KCNMA1: variants seen among roughly 807,000 people sequenced by gnomAD.
KCNMA1 encodes potassium calcium-activated channel subfamily M alpha 1.
A neutral mutation model predicts 140.0 loss-of-function variants in KCNMA1; 29 were observed. That is an observed-to-expected ratio of 0.21 (90% CI 0.15 to 0.28). The LOEUF is 0.28. Among genes scored for constraint, KCNMA1 ranks in the 10% least tolerant of loss-of-function variants. The pLI is 1.00. For synonymous variants in KCNMA1, 612 were observed against 611.9 expected (o/e 1.00, Z 0.00); for missense variants, 880 against 1,602.2 (o/e 0.55, Z 7.70).
intron 5 of KCNMA1, among the ~76,000 whole-genome samples, chr10:77,157,507 AT>A (rs2098502223): frequency 6.6e-6 from 1 of 152,058 alleles, no homozygotes; most frequent in African/African-American, 2.4e-5. Context: ...TGTTGCTTCC[AT>A]TTCTCTTAAA....
intron 2 of KCNMA1, among the ~76,000 whole-genome samples, chr10:77,399,637 A>G (rs1170553475): frequency 6.6e-6 from 1 of 152,168 alleles, no homozygotes; most frequent in Non-Finnish European, 1.5e-5. Flanking sequence ...GGGTCAAGGA[A>G]TTTTTATCAT....
chr10:77,270,680 C>A (rs374787471), intron 2 of KCNMA1, among the ~76,000 whole-genome samples: 1 of 135,930 alleles, frequency 7.4e-6, no homozygotes. Context: ...CACCACCACA[C>A]CTAGCTAATT....
At chr10:76,937,420 A>G (rs971782748) in intron 23 of KCNMA1, among the ~76,000 whole-genome samples, 3 of 152,188 alleles carry the variant, frequency 2.0e-5, no homozygotes, top group African/African-American at 7.2e-5. Flanking sequence ...TCCTATCCCA[A>G]CAAAGATGAA....
intron 1 of KCNMA1, among the ~76,000 whole-genome samples, chr10:77,533,652 C>T (rs1284401716): frequency 6.6e-6 from 1 of 152,112 alleles, no homozygotes; most frequent in Non-Finnish European, 1.5e-5. Flanking sequence ...CAAACTCTGA[C>T]AGCATTATTC....
intron 19 of KCNMA1, among the ~76,000 whole-genome samples, chr10:76,986,635 G>A (rs926030531): frequency 6.6e-6 from 1 of 152,230 alleles, no homozygotes; most frequent in African/African-American, 2.4e-5. Context: ...GTGTTAGCTT[G>A]TGTATTAGTC....
intron 5 of KCNMA1, among the ~76,000 whole-genome samples, chr10:77,172,772 A>G (rs1049382099): frequency 1.3e-5 from 2 of 152,048 alleles, no homozygotes; most frequent in Admixed American, 1.3e-4. Context: ...AATACCTTAG[A>G]CTGGGTAATT....
intron 3 of KCNMA1, among the ~76,000 whole-genome samples, chr10:77,222,684 C>G (rs946659917): frequency 1.3e-5 from 2 of 152,184 alleles, no homozygotes; most frequent in Non-Finnish European, 2.9e-5. Context: ...GGCTAGATTC[C>G]TGATTCCAGA....
chr10:76,879,176 T>C (rs1197387314), intron 29 of KCNMA1, among the ~76,000 whole-genome samples: 1 of 152,102 alleles, frequency 6.6e-6, no homozygotes, highest in Non-Finnish European at 1.5e-5. Flanking sequence ...TCTGCTTGTT[T>C]CTCCTCAGTT....
chr10:77,001,532 C>CAATCAA lies in KCNMA1; in HGVS notation c.2135_2140dup (p.Phe712_Asp713dup). 1 of 1,552,136 alleles carries CAATCAA rather than the reference C, an allele frequency of 6.4e-7. No homozygotes were observed. The highest frequency in any genetic ancestry group is 8.7e-7 in the Non-Finnish European group (1 of 1,147,010). On this transcript the variant is annotated inframe_insertion, in exon 19 of 28. Transcript: ENST00000286628. ...TGAGCAGTCACGCTCAGAACGTCCGCAATCAAAACAACATGCCCGTCTCAT... is the reference window on the plus strand; with the variant it reads ...TGAGCAGTCACGCTCAGAACGTCCGCAATCAAAATCAAAACAACATGCCCGTCTCAT...
At chr10:77,276,822 A>C (rs1318108376) in intron 2 of KCNMA1, among the ~76,000 whole-genome samples, 1 of 152,128 alleles carries the variant, frequency 6.6e-6, no homozygotes, top group Non-Finnish European at 1.5e-5. Flanking sequence ...TAGCAAACAA[A>C]ATATGGTACA....
In KCNMA1 at chr10:76,886,185, TCTA is replaced by T. The variant is rs2036825570; in HGVS notation, c.*1078_*1080del. 1.0e-6 allele frequency: 1 copy of T among 985,306 alleles called. No individual in the cohort carries two copies. The highest frequency in any genetic ancestry group is 1.7e-5 in the African/African-American group (1 of 57,234). The allele number at this position is 985,306 out of a possible 1,614,324, so 61.0% of individuals were successfully genotyped here. A position where few individuals can be genotyped will look rare whatever the true frequency, so the allele number is the denominator to read the frequency against. ...GCAGCTGGGTTTGTCTTCCTCTCAC[TCTA>T]CCATTGCCCCAGCCCTTCCTCCTAC... On this transcript the variant is annotated 3_prime_UTR_variant, in exon 28 of 28. Coordinates refer to ENST00000286628, the MANE Select transcript of KCNMA1 (RefSeq NM_001161352.2).
At chr10:77,464,503 C>T (rs185898882) in intron 1 of KCNMA1, among the ~76,000 whole-genome samples, 8 of 151,960 alleles carry the variant, frequency 5.3e-5, no homozygotes, top group Non-Finnish European at 1.2e-4. Flanking sequence ...GGGGAAGCAG[C>T]GGGTCTGAGT....
intron 21 of KCNMA1, chr10:76,952,094 T>G: frequency 6.4e-7 from 1 of 1,552,264 alleles, no homozygotes; most frequent in Non-Finnish European, 8.7e-7. Flanking sequence ...TTGGCATGCA[T>G]ACTACACCAA....
chr10:77,496,596 CAAAAAAAAAAAA>C (rs201304328), intron 1 of KCNMA1, among the ~76,000 whole-genome samples: 2 of 62,972 alleles, frequency 3.2e-5, no homozygotes, highest in South Asian at 1.4e-3. Context: ...GACACTGTCT[CAAAAAAAAAAAA>C]AAAAAAAAAA....
At chr10:77,248,376 T>G (rs567633638) in intron 3 of KCNMA1, among the ~76,000 whole-genome samples, 17 of 152,284 alleles carry the variant, frequency 1.1e-4, no homozygotes, top group South Asian at 6.2e-4. Context: ...GAGGGGCAGC[T>G]CTGGCTAAAA....
chr10:77,149,304 G>A (rs868178313), intron 5 of KCNMA1, among the ~76,000 whole-genome samples: 3 of 152,184 alleles, frequency 2.0e-5, no homozygotes, highest in African/African-American at 7.2e-5. Context: ...CTTCTAATCA[G>A]TCTGGAATAA....
At chr10:77,446,085 T>C (rs1242512173) in intron 1 of KCNMA1, among the ~76,000 whole-genome samples, 2 of 150,642 alleles carry the variant, frequency 1.3e-5, no homozygotes, top group African/African-American at 2.5e-5. Context: ...CCCTGAAACC[T>C]CTCTCCCTGA....
intron 1 of KCNMA1, among the ~76,000 whole-genome samples, chr10:77,442,119 T>C (rs1348359102): frequency 6.6e-6 from 1 of 152,174 alleles, no homozygotes; most frequent in Non-Finnish European, 1.5e-5. Context: ...GCTTTAGGCA[T>C]GTCCTTGCCT....
intron 19 of KCNMA1, among the ~76,000 whole-genome samples, chr10:76,992,161 T>C (rs2082960454): frequency 3.3e-5 from 5 of 152,206 alleles, no homozygotes; most frequent in Admixed American, 3.3e-4. Flanking sequence ...GAGTTTTTTC[T>C]TGCTGTTTCC....
Sources: gnomAD v4.1 joint callset for allele counts (sites outside exome capture counted in the v4.1 genomes callset) on GRCh38, gnomAD v4.1.1 for gene constraint, MANE v1.5 for transcripts, NCBI Gene and HGNC (gene_info 2026-07-23, HGNC 2026-07-21) for gene names.